MPZL1: variants seen among roughly 807,000 people sequenced by gnomAD.
The protein encoded by MPZL1 is myelin protein zero like 1.
A neutral mutation model predicts 29.3 loss-of-function variants in MPZL1; 16 were observed. The observed-to-expected ratio is 0.55, with a 90% CI of 0.37 to 0.83. MPZL1 has a LOEUF of 0.83. MPZL1 is among the 40% of genes least tolerant of loss of function. The pLI, the probability that MPZL1 is intolerant of heterozygous loss-of-function variation, is 0.00. For missense variants in MPZL1, 279 were observed against 332.9 expected, an observed-to-expected ratio of 0.84 and a Z score of 1.26; for synonymous variants, 143 against 132.0, an observed-to-expected ratio of 1.08 and a Z score of -0.57.
In MPZL1 at chr1:167,722,178, G is replaced by T; in HGVS notation, c.27G>T (p.Ala9=). 8.1e-7 allele frequency: 1 copy of T among 1,237,918 alleles called. No individual in the cohort carries two copies. Among genetic ancestry groups the T allele is most frequent in the South Asian group, 4.1e-5 (1 of 24,466 alleles). The allele number at this position is 1,237,918 out of a possible 1,614,324, so 76.7% of individuals were successfully genotyped here. A position where few individuals can be genotyped will look rare whatever the true frequency, so the allele number is the denominator to read the frequency against. Residue 9 remains alanine, a synonymous_variant, in exon 1 of 6, where the codon GCG becomes GCT. Transcript: ENST00000359523. The part of the protein sequence containing the change: MAASAGAG[A]VIAAPDSRRW... ...TGGCAGCGTCCGCCGGAGCCGGGGC[G>T]GTGATTGCAGCCCCAGACAGCCGGC...
rs893041030 is a variant in MPZL1, at chr1:167,733,995, G to A, written c.91+11753G>A. 2.6e-5 allele frequency among the ~76,000 whole-genome samples: 4 copies of A among 152,062 alleles called. No individual in the cohort carries two copies. The South Asian group carries it at 8.3e-4, about 32-fold the overall frequency. Reference sequence around the variant, plus strand: ...CTGTAGGCCGGGTGCGGTGGCTCACGCCTGTAATCCCAGCACTTTGGGAGG... The same window carrying A: ...CTGTAGGCCGGGTGCGGTGGCTCACACCTGTAATCCCAGCACTTTGGGAGG... On this transcript the variant is annotated intron_variant, in intron 1 of 5. Coordinates refer to ENST00000359523, the MANE Select transcript of MPZL1 (RefSeq NM_003953.6).
At chr1:167,722,362 C>G in intron 1 of MPZL1, 120 bp downstream of exon 1, 2 of 1,223,968 alleles carry the variant, frequency 1.6e-6, no homozygotes, top group Non-Finnish European at 2.0e-6. Context: ...GGAGGGGGCG[C>G]GGCCTGCGCT....
intron 5 of MPZL1, among the ~76,000 whole-genome samples, chr1:167,784,986 A>T (rs1661563844): frequency 6.6e-6 from 1 of 152,218 alleles, no homozygotes; most frequent in Admixed American, 6.5e-5. Flanking sequence ...ACATTTACAG[A>T]CTAAAAGATA....
At position 167,736,849 on chromosome 1, in the gene MPZL1, A is replaced by G. The variant is rs547827915; in HGVS notation, c.91+14607A>G. On this transcript the variant is annotated intron_variant, in intron 1 of 5. Coordinates refer to ENST00000359523, the MANE Select transcript of MPZL1 (RefSeq NM_003953.6). The stretch of plus-strand genomic sequence containing the variant: ...TCTCTTGGGCAAATTTAATTGTACC[A>G]CTCTTCTGTTAAGATCCTCCATCTC... Among the ~76,000 whole-genome samples the G allele has an allele frequency of 9.2e-5, 14 of 151,572 alleles. 2 individuals carry two copies. The South Asian group carries it at 2.9e-3, about 32-fold the overall frequency.
In MPZL1 at chr1:167,773,307, C is replaced by G. The variant is rs375340075; in HGVS notation, c.544C>G (p.Leu182Val). The change falls in exon 4 of 6, where the codon CTC (leucine) becomes GTC (valine). Residue 182 changes from leucine to valine, a missense_variant. Leu to Val is a conservative substitution (Grantham distance 32). Transcript: ENST00000359523. ...TGCTGTGGTCCTAGGTCTCACTCTG[C>G]TCATCAGCATGATTCTGGCTGTCCT... ...VTAVVLGLTL[L>V]ISMILAVLYR... The G allele has an allele frequency of 1.2e-6, 2 of 1,613,786 alleles. No individual in the cohort carries two copies. Among genetic ancestry groups the G allele is most frequent in the Non-Finnish European group, 1.7e-6 (2 of 1,179,688 alleles).
chr1:167,753,327 C>T (rs1311319877), intron 1 of MPZL1, among the ~76,000 whole-genome samples: 2 of 152,202 alleles, frequency 1.3e-5, no homozygotes, highest in Non-Finnish European at 2.9e-5. Flanking sequence ...AGGAGGGTTA[C>T]TTTGAAAAGC....
Position 167,788,122 on chromosome 1 carries a change from G to T in MPZL1, c.*201G>T, listed in dbSNP as rs573675766. 55 of 502,224 alleles carry T rather than the reference G, an allele frequency of 1.1e-4. No individual in the cohort carries two copies. The highest frequency in any genetic ancestry group is 9.1e-4 in the African/African-American group (47 of 51,426). 31.1% of individuals were successfully genotyped at this position (502,224 alleles called of 1,614,324 possible). ...CATCCTGATATGAGGAGCCAGTGTT[G>T]CATGATGAAAAGATGGTATGATTCT... On this transcript the variant is annotated 3_prime_UTR_variant, in exon 6 of 6. Transcript: ENST00000359523.
At chr1:167,759,210 C>T (rs4657706) in intron 1 of MPZL1, among the ~76,000 whole-genome samples, 113,256 of 152,108 alleles carry the variant, frequency 0.74, 42,616 homozygotes, top group African/African-American at 0.84. Context: ...TTCTAGTCTT[C>T]AGTGACATGG....
chr1:167,761,745 G>A (rs1177939900), intron 1 of MPZL1, among the ~76,000 whole-genome samples: 1 of 152,158 alleles, frequency 6.6e-6, no homozygotes, highest in African/African-American at 2.4e-5. Flanking sequence ...AATAGTCAGT[G>A]GGATTGTGTG....
intron 5 of MPZL1, among the ~76,000 whole-genome samples, chr1:167,785,909 C>T (rs2101801352): frequency 6.6e-6 from 1 of 152,312 alleles, no homozygotes; most frequent in Non-Finnish European, 1.5e-5. Context: ...TCTCCTGCCT[C>T]AGCCTCCTGA....
intron 1 of MPZL1, among the ~76,000 whole-genome samples, chr1:167,736,503 C>G (rs1660381610): frequency 6.6e-6 from 1 of 152,130 alleles, no homozygotes; most frequent in East Asian, 1.9e-4. Context: ...TCAAACTGTG[C>G]TTCCTCCGGC....
intron 1 of MPZL1, among the ~76,000 whole-genome samples, chr1:167,751,277 G>C (rs965212563): frequency 6.6e-6 from 1 of 152,142 alleles, no homozygotes; most frequent in Non-Finnish European, 1.5e-5. Context: ...TTTAGTAAGA[G>C]TCCCATCAAA....
At chr1:167,784,241 G>A (rs1360919118) in intron 5 of MPZL1, among the ~76,000 whole-genome samples, 3 of 152,166 alleles carry the variant, frequency 2.0e-5, no homozygotes, top group African/African-American at 7.2e-5. Context: ...ATTAAGCAAT[G>A]TGTTTCTTGA....
intron 1 of MPZL1, among the ~76,000 whole-genome samples, chr1:167,728,159 C>T (rs1660191283): frequency 6.6e-6 from 1 of 151,594 alleles, no homozygotes; most frequent in South Asian, 2.1e-4. Flanking sequence ...TCTGCCTCAG[C>T]CTGCCGAGTA....
chr1:167,771,426 C>G, intron 2 of MPZL1, among the ~76,000 whole-genome samples: 1 of 152,172 alleles, frequency 6.6e-6, no homozygotes, highest in Non-Finnish European at 1.5e-5. Flanking sequence ...TCTGATCTCT[C>G]TTTCTTTTCC....
chr1:167,767,792 C>CTTT (rs58079089), intron 2 of MPZL1, among the ~76,000 whole-genome samples: 951 of 58,098 alleles, frequency 0.016, 149 homozygotes, highest in African/African-American at 0.019. Flanking sequence ...CCCTTTTCTG[C>CTTT]TTTTTTTTTT....
At chr1:167,786,340 A>G (rs1661592884) in intron 5 of MPZL1, among the ~76,000 whole-genome samples, 1 of 152,246 alleles carries the variant, frequency 6.6e-6, no homozygotes, top group African/African-American at 2.4e-5. Flanking sequence ...ACTAACATGT[A>G]TTAAGTACTG....
chr1:167,732,184 C>T (rs2101748880), intron 1 of MPZL1, among the ~76,000 whole-genome samples: 1 of 152,248 alleles, frequency 6.6e-6, no homozygotes, highest in Non-Finnish European at 1.5e-5. Flanking sequence ...TACACCTGGC[C>T]TTAAGACTTT....
At chr1:167,773,104 A>T in intron 3 of MPZL1, 132 bp from the exon 4 acceptor site, 2 of 852,582 alleles carry the variant, frequency 2.3e-6, no homozygotes, top group Non-Finnish European at 3.7e-6. Flanking sequence ...AGATAGTAGG[A>T]TCTCATAGTT....
Sources: gnomAD v4.1 joint callset for allele counts (sites outside exome capture counted in the v4.1 genomes callset) on GRCh38, gnomAD v4.1.1 for gene constraint, MANE v1.5 for transcripts, NCBI Gene and HGNC (gene_info 2026-07-23, HGNC 2026-07-21) for gene names.